Variants in NTM observed in about 807,000 individuals in gnomAD.
NTM encodes neurotrimin.
Under a neutral mutation model 42.1 loss-of-function variants are expected in NTM, and 13 were observed. The ratio of observed to expected loss-of-function variants is 0.31; its 90% CI spans 0.20 to 0.49. NTM has a LOEUF of 0.49. Among genes scored for constraint, NTM ranks in the 20% least tolerant of loss-of-function variants. The pLI, the probability that NTM is intolerant of heterozygous loss-of-function variation, is 0.99. For missense variants in NTM, 373 were observed against 452.8 expected, an observed-to-expected ratio of 0.82 and a Z score of 1.60; for synonymous variants, 187 against 179.2, an observed-to-expected ratio of 1.04 and a Z score of -0.35.
intron 7 of NTM, among the ~76,000 whole-genome samples, chr11:132,327,028 A>G (rs753830693): frequency 1.1e-4 from 17 of 152,264 alleles, no homozygotes; most frequent in African/African-American, 3.1e-4. Context: ...CTTCCTCAGC[A>G]TTTTCTGCCA....
At chr11:132,134,050 T>C (rs2067284187) in intron 2 of NTM, among the ~76,000 whole-genome samples, 1 of 152,210 alleles carries the variant, frequency 6.6e-6, no homozygotes, top group Admixed American at 6.5e-5. Flanking sequence ...AGTCTCACTC[T>C]GTAGCTGGGA....
At chr11:131,682,777 G>A (rs2073184782) in intron 1 of NTM, among the ~76,000 whole-genome samples, 1 of 152,088 alleles carries the variant, frequency 6.6e-6, no homozygotes, top group South Asian at 2.1e-4. Context: ...GCTCCCTCTC[G>A]GTGCTGGATC....
At position 132,026,282 on chromosome 11, in the gene NTM, G is replaced by A. The variant is rs565274462; in HGVS notation, c.167+114634G>A. On this transcript the variant is annotated intron_variant, in intron 2 of 8. Coordinates refer to ENST00000683400, the MANE Select transcript of NTM (RefSeq NM_001352005.2). ...ATTCTTTGGGTTAACATCTTGCCCC[G>A]CATGATCAGGAAGTCTTGCTAAGCA... Among the ~76,000 whole-genome samples, 4 of 152,270 alleles carry A rather than the reference G, an allele frequency of 2.6e-5. No homozygotes were observed. In the South Asian group the frequency reaches 6.2e-4, roughly 24 times the overall value.
intron 2 of NTM, among the ~76,000 whole-genome samples, chr11:132,129,282 A>G (rs1038662577): frequency 6.6e-6 from 1 of 152,198 alleles, no homozygotes; most frequent in African/African-American, 2.4e-5. Flanking sequence ...GTTACTATTG[A>G]TGCTCTAAGT....
chr11:131,947,569 C>A (rs765071108), intron 2 of NTM, among the ~76,000 whole-genome samples: 1 of 152,154 alleles, frequency 6.6e-6, no homozygotes, highest in Non-Finnish European at 1.5e-5. Flanking sequence ...GGATGATACA[C>A]GCTGGTATGA....
At chr11:132,041,977 A>T (rs1324510971) in intron 2 of NTM, among the ~76,000 whole-genome samples, 1 of 152,232 alleles carries the variant, frequency 6.6e-6, no homozygotes, top group African/African-American at 2.4e-5. Flanking sequence ...GTGTTGAGTT[A>T]TCACTTAGAT....
intron 1 of NTM, among the ~76,000 whole-genome samples, chr11:131,617,518 C>G (rs1242384284): frequency 6.6e-6 from 1 of 152,050 alleles, no homozygotes. Flanking sequence ...GAGCTGAGTC[C>G]CCTCGTGACT....
intron 1 of NTM, among the ~76,000 whole-genome samples, chr11:131,801,429 A>G (rs1288960047): frequency 6.6e-6 from 1 of 152,068 alleles, no homozygotes; most frequent in Non-Finnish European, 1.5e-5. Context: ...ACCTTGGGAC[A>G]TTGTATTTCT....
At chr11:131,439,113 G>A (rs551246068) in intron 1 of NTM, among the ~76,000 whole-genome samples, 29 of 152,274 alleles carry the variant, frequency 1.9e-4, no homozygotes, top group South Asian at 6.2e-4. Flanking sequence ...TATCACCAGC[G>A]GAGGCTGCAG....
chr11:131,481,033 C>G (rs374003023), intron 1 of NTM, among the ~76,000 whole-genome samples: 1 of 152,030 alleles, frequency 6.6e-6, no homozygotes, highest in Non-Finnish European at 1.5e-5. Flanking sequence ...TATTTCTAGA[C>G]CGATGACTGC....
chr11:131,506,321 G>A (rs1411445124), intron 1 of NTM, among the ~76,000 whole-genome samples: 2 of 152,152 alleles, frequency 1.3e-5, no homozygotes, highest in African/African-American at 4.8e-5. Context: ...CATCCAAACT[G>A]GGGAAGGGCC....
chr11:131,481,799 T>TA (rs199777884), intron 1 of NTM, among the ~76,000 whole-genome samples: 2 of 151,898 alleles, frequency 1.3e-5, no homozygotes, highest in Admixed American at 6.6e-5. Context: ...CACCTTAGGT[T>TA]AAAAAAAATT....
At chr11:131,684,233 A>G (rs1337005667) in intron 1 of NTM, among the ~76,000 whole-genome samples, 1 of 152,108 alleles carries the variant, frequency 6.6e-6, no homozygotes, top group Non-Finnish European at 1.5e-5. Context: ...CACCACGAGG[A>G]CGTCCTGACG....
At chr11:131,671,528 C>T in intron 1 of NTM, 5 of 980,884 alleles carry the variant, frequency 5.1e-6, no homozygotes, top group Non-Finnish European at 6.0e-6. Context: ...TGCCCTCACC[C>T]TCCTCTGGGC....
At chr11:131,618,316 C>T (rs897957951) in intron 1 of NTM, among the ~76,000 whole-genome samples, 1 of 152,116 alleles carries the variant, frequency 6.6e-6, no homozygotes, top group East Asian at 1.9e-4. Context: ...AAGGGTATTT[C>T]GTAAACTCCC....
chr11:131,922,775 CT>C lies in NTM; in HGVS notation c.167+11128del, dbSNP rs757226524. Reference sequence around the variant, plus strand: ...ACCATTTCACAAGAATTACCTGACTCTGTTCAAAACCTACAGTGGCTTCTGG... The same window carrying C: ...ACCATTTCACAAGAATTACCTGACTCGTTCAAAACCTACAGTGGCTTCTGG... On this transcript the variant is annotated intron_variant, in intron 2 of 8. Transcript: ENST00000683400. 2.3e-3 allele frequency among the ~76,000 whole-genome samples: 348 copies of C among 152,324 alleles called. 3 individuals carry two copies. Among genetic ancestry groups the C allele is most frequent in the Non-Finnish European group, 2.7e-3 (185 of 68,034 alleles).
intron 1 of NTM, among the ~76,000 whole-genome samples, chr11:131,746,440 G>A (rs937314682): frequency 2.9e-5 from 4 of 138,402 alleles, no homozygotes; most frequent in African/African-American, 1.1e-4. Flanking sequence ...GTTTTACAGA[G>A]AGGAAAGCAG....
At chr11:131,859,194 G>T (rs1055442918) in intron 1 of NTM, among the ~76,000 whole-genome samples, 34 of 152,146 alleles carry the variant, frequency 2.2e-4, no homozygotes, top group Non-Finnish European at 4.4e-4. Context: ...CAGAGAATAT[G>T]GTTATGTTTA....
intron 4 of NTM, among the ~76,000 whole-genome samples, chr11:132,224,105 A>G (rs1031795284): frequency 2.0e-5 from 3 of 152,194 alleles, no homozygotes; most frequent in African/African-American, 7.2e-5. Flanking sequence ...GCTATTCAAT[A>G]AAAGTGTGAA....
Sources: gnomAD v4.1 joint callset for allele counts (sites outside exome capture counted in the v4.1 genomes callset) on GRCh38, gnomAD v4.1.1 for gene constraint, MANE v1.5 for transcripts, NCBI Gene and HGNC (gene_info 2026-07-23, HGNC 2026-07-21) for gene names.